TASP1: variants seen among roughly 807,000 people sequenced by gnomAD.
TASP1 encodes threonine aspartase 1.
A neutral mutation model predicts 56.6 loss-of-function variants in TASP1; 16 were observed. The ratio of observed to expected loss-of-function variants is 0.28; its 90% confidence interval spans 0.19 to 0.43. The LOEUF (loss-of-function observed/expected upper bound fraction) is 0.43. TASP1 is among the 20% of genes least tolerant of loss of function. TASP1 has a pLI of 1.00. For synonymous variants in TASP1, 179 were observed against 184.2 expected, an observed-to-expected ratio of 0.97 and a Z score of 0.23; for missense variants, 393 against 511.6, an observed-to-expected ratio of 0.77 and a Z score of 2.24.
intron 8 of TASP1, among the ~76,000 whole-genome samples, chr20:13,545,621 G>T: frequency 6.6e-6 from 1 of 151,264 alleles, no homozygotes; most frequent in East Asian, 1.9e-4. Flanking sequence ...GGTTTGACCA[G>T]CAAAGTGTAG....
the TASP1 span, among the ~76,000 whole-genome samples, chr20:13,143,161 G>A: frequency 1.5e-4 from 23 of 152,100 alleles, no homozygotes; most frequent in African/African-American, 5.3e-4. Flanking sequence ...ACATGTCTTG[G>A]GCACCAAAAA....
chr20:13,281,441 T>C, the TASP1 span, among the ~76,000 whole-genome samples: 1 of 152,222 alleles, frequency 6.6e-6, no homozygotes, highest in Non-Finnish European at 1.5e-5. Flanking sequence ...GTACTTACCA[T>C]GCACTAGTCC....
the TASP1 span, among the ~76,000 whole-genome samples, chr20:13,383,024 G>C: frequency 6.6e-6 from 1 of 152,098 alleles, no homozygotes; most frequent in Non-Finnish European, 1.5e-5. Flanking sequence ...TCCAAGCAGG[G>C]GGTACAAGCA....
At chr20:13,195,359 C>A in the TASP1 span, among the ~76,000 whole-genome samples, 1 of 152,166 alleles carries the variant, frequency 6.6e-6, no homozygotes, top group Non-Finnish European at 1.5e-5. Context: ...TGTCCCTTTG[C>A]CCTGAGTGTT....
chr20:13,583,108 T>G (rs1366787874), intron 5 of TASP1, among the ~76,000 whole-genome samples: 2 of 152,154 alleles, frequency 1.3e-5, no homozygotes, highest in Non-Finnish European at 2.9e-5. Context: ...CCAATTCAGG[T>G]CATTGATACC....
At chr20:13,227,040 C>G in the TASP1 span, among the ~76,000 whole-genome samples, 1 of 152,174 alleles carries the variant, frequency 6.6e-6, no homozygotes, top group African/African-American at 2.4e-5. Context: ...GTATTTTTAT[C>G]AAGGTGAAAC....
At chr20:13,361,000 T>C in the TASP1 span, among the ~76,000 whole-genome samples, 1 of 152,310 alleles carries the variant, frequency 6.6e-6, no homozygotes, top group East Asian at 1.9e-4. Flanking sequence ...TACAAGCCAC[T>C]AGCCCGCCTC....
chr20:13,304,176 T>G, the TASP1 span, among the ~76,000 whole-genome samples: 2 of 152,202 alleles, frequency 1.3e-5, no homozygotes, highest in African/African-American at 4.8e-5. Flanking sequence ...GTCACTCTCC[T>G]CAGCTCTGCT....
rs75846616 is a variant in TASP1 at position 13,546,067 on chromosome 20, A to G, written c.676-11926T>C. ...TTTATTGTTTAATTCCTTCGGATCA[A>G]ATACATAAAGGGCAGGGACTAGGTG... On this transcript the variant is annotated intron_variant, in intron 8 of 13. Transcript: ENST00000337743. 3.9e-5 allele frequency among the ~76,000 whole-genome samples: 6 copies of G among 152,290 alleles called. No individual in the cohort carries two copies. The East Asian group carries it at 1.2e-3, about 29-fold the overall frequency.
chr20:13,620,728 A>C (rs2048684938), intron 4 of TASP1, among the ~76,000 whole-genome samples: 1 of 152,228 alleles, frequency 6.6e-6, no homozygotes, highest in South Asian at 2.1e-4. Context: ...TTCTCAAATT[A>C]AATATAACAC....
At chr20:13,597,263 C>T (rs920152045) in intron 4 of TASP1, among the ~76,000 whole-genome samples, 36 of 152,308 alleles carry the variant, frequency 2.4e-4, no homozygotes, top group Non-Finnish European at 1.9e-4. Flanking sequence ...CCTTGTTGAA[C>T]ATCGATGCAA....
chr20:13,270,688 C>T, the TASP1 span: 108 of 1,613,750 alleles, frequency 6.7e-5, no homozygotes, highest in Non-Finnish European at 8.7e-5. Context: ...CTTGATCTAC[C>T]AAACTTTCCA....
At chr20:13,299,534 CG>C in the TASP1 span, 9 of 1,339,496 alleles carry the variant, frequency 6.7e-6, no homozygotes, top group Non-Finnish European at 9.2e-6. This position sits in a 1 kb window ranked among gnomAD's most constrained non-coding sequence, Gnocchi z 5.8. Context: ...TGCCGACTGG[CG>C]CCGAGACCTT....
intron 10 of TASP1, among the ~76,000 whole-genome samples, chr20:13,511,647 A>AT (rs1188764069): frequency 6.6e-6 from 1 of 151,894 alleles, no homozygotes; most frequent in East Asian, 1.9e-4. Flanking sequence ...CATGTGCACA[A>AT]TGTACAGGTT....
At chr20:13,521,579 C>A (rs1392852029) in intron 10 of TASP1, among the ~76,000 whole-genome samples, 3 of 138,856 alleles carry the variant, frequency 2.2e-5, no homozygotes, top group Non-Finnish European at 4.5e-5. Flanking sequence ...GGGAATTGAA[C>A]AATGAGAACA....
At chr20:13,132,498 T>G in the TASP1 span, among the ~76,000 whole-genome samples, 4 of 152,168 alleles carry the variant, frequency 2.6e-5, no homozygotes, top group African/African-American at 7.2e-5. Flanking sequence ...ACAGCATTTA[T>G]GAATACCTGA....
At chr20:13,176,361 T>C in the TASP1 span, among the ~76,000 whole-genome samples, 1 of 152,328 alleles carries the variant, frequency 6.6e-6, no homozygotes, top group East Asian at 1.9e-4. Context: ...ATTTGTCATA[T>C]GTGGCCTTTA....
intron 11 of TASP1, among the ~76,000 whole-genome samples, chr20:13,455,278 A>G (rs550846050): frequency 2.0e-5 from 3 of 152,200 alleles, no homozygotes; most frequent in Non-Finnish European, 4.4e-5. Context: ...TATCTCTGCC[A>G]GAATTAATAC....
At chr20:13,306,259 A>G in the TASP1 span, among the ~76,000 whole-genome samples, 1 of 152,328 alleles carries the variant, frequency 6.6e-6, no homozygotes, top group Middle Eastern at 3.4e-3. Flanking sequence ...TTAAAAAAGA[A>G]AAAGGAATTT....
Sources: gnomAD v4.1 joint callset for allele counts (sites outside exome capture counted in the v4.1 genomes callset) on GRCh38, gnomAD v4.1.1 for gene constraint, Gnocchi (gnomAD v3.1) non-coding constraint, MANE v1.5 for transcripts, NCBI Gene and HGNC (gene_info 2026-07-23, HGNC 2026-07-21) for gene names.